RUNX2: variants seen among roughly 807,000 people sequenced by gnomAD.
The protein encoded by RUNX2 is runt-related transcription factor 2.
A neutral mutation model predicts 51.7 loss-of-function variants in RUNX2; 10 were observed. The observed-to-expected ratio is 0.19, with a 90% CI of 0.12 to 0.33. RUNX2 has a LOEUF of 0.33. Among genes scored for constraint, RUNX2 ranks in the 10% least tolerant of loss-of-function variants. RUNX2 has a pLI of 1.00. For synonymous variants in RUNX2, 276 were observed against 273.6 expected (o/e 1.01, Z -0.09); for missense variants, 562 against 691.3 (o/e 0.81, Z 2.10).
chr6:45,416,107 G>A (rs1489234639), intron 2 of RUNX2, among the ~76,000 whole-genome samples: 1 of 152,164 alleles, frequency 6.6e-6, no homozygotes, highest in Non-Finnish European at 1.5e-5. Flanking sequence ...CGGTTTCTGA[G>A]TATGAAATCC....
chr6:45,342,049 T>G (rs1334874357), intron 2 of RUNX2, among the ~76,000 whole-genome samples: 1 of 149,328 alleles, frequency 6.7e-6, no homozygotes, highest in Non-Finnish European at 1.5e-5. Context: ...GTTGAAGAGA[T>G]ATTACAAAGA....
chr6:45,420,138 C>A (rs1214317160), intron 2 of RUNX2, among the ~76,000 whole-genome samples: 1 of 152,174 alleles, frequency 6.6e-6, no homozygotes, highest in African/African-American at 2.4e-5. Context: ...CTACCCCGCA[C>A]CCCCACCTCT....
intron 6 of RUNX2, among the ~76,000 whole-genome samples, chr6:45,500,912 A>G (rs116538406): frequency 7.5e-4 from 114 of 152,350 alleles, no homozygotes; most frequent in Middle Eastern, 3.4e-3. Flanking sequence ...GCAGGTTGGT[A>G]GATGGAAGAA....
At chr6:45,330,028 T>C (rs1221502422) in intron 2 of RUNX2, among the ~76,000 whole-genome samples, 1 of 151,812 alleles carries the variant, frequency 6.6e-6, no homozygotes, top group African/African-American at 2.4e-5. Flanking sequence ...AGAGGATCAG[T>C]CTCAGTTTAG....
At chr6:45,474,353 C>G (rs1195755085) in intron 5 of RUNX2, among the ~76,000 whole-genome samples, 1 of 147,460 alleles carries the variant, frequency 6.8e-6, no homozygotes, top group Admixed American at 6.7e-5. Flanking sequence ...CAATGGCCAC[C>G]ATATTTTTAT....
At chr6:45,328,876 G>C in intron 2 of RUNX2, 92 bp downstream of exon 2, 1 of 1,298,488 alleles carries the variant, frequency 7.7e-7, no homozygotes, top group Non-Finnish European at 1.1e-6. Context: ...TTTCCAAATA[G>C]CATATTAAAG....
intron 2 of RUNX2, chr6:45,421,930 G>A (rs963067599): frequency 2.0e-5 from 3 of 152,272 alleles, no homozygotes; most frequent in Non-Finnish European, 4.4e-5. Context: ...GTGAGAGGGC[G>A]AGAAGAAAAG....
chr6:45,431,914 G>A lies in RUNX2; in HGVS notation c.475G>A (p.Gly159Ser). 1 of 1,614,132 alleles carries A rather than the reference G, an allele frequency of 6.2e-7. No homozygotes were observed. The highest frequency in any genetic ancestry group is 8.5e-7 in the Non-Finnish European group (1 of 1,179,982). ...TGGGACTGTGGTTACTGTCATGGCG[G>A]GTAACGATGAAAATTATTCTGCTGA... The part of the protein sequence containing the change: ...PDGTVVTVMA[G>S]NDENYSAELR... The change falls in exon 4 of 9, where the codon GGT (glycine) becomes AGT (serine). Residue 159 changes from glycine to serine, a missense_variant. Transcript: ENST00000647337.
intron 4 of RUNX2, among the ~76,000 whole-genome samples, chr6:45,437,607 T>C (rs1289839901): frequency 2.0e-5 from 3 of 152,206 alleles, no homozygotes; most frequent in Admixed American, 2.0e-4. Context: ...CTTGGATGTG[T>C]TCCTGATGTT....
At chr6:45,395,401 T>C (rs917969923) in intron 2 of RUNX2, among the ~76,000 whole-genome samples, 35 of 152,328 alleles carry the variant, frequency 2.3e-4, no homozygotes, top group African/African-American at 8.2e-4. Flanking sequence ...TATGCTCAAA[T>C]CTGGTTCTTA....
intron 6 of RUNX2, among the ~76,000 whole-genome samples, chr6:45,506,857 T>C (rs559008299): frequency 1.5e-4 from 23 of 152,258 alleles, no homozygotes; most frequent in Admixed American, 2.6e-4. Flanking sequence ...TACAAAAGCC[T>C]GTTACCCAGG....
intron 7 of RUNX2, among the ~76,000 whole-genome samples, chr6:45,526,881 AG>A (rs1013996636): frequency 2.0e-5 from 3 of 152,204 alleles, no homozygotes; most frequent in Admixed American, 2.0e-4. Flanking sequence ...CTGCTTTAAT[AG>A]GTTGTTATGG....
chr6:45,400,824 A>G (rs1169530886), intron 2 of RUNX2, among the ~76,000 whole-genome samples: 1 of 152,194 alleles, frequency 6.6e-6, no homozygotes, highest in Non-Finnish European at 1.5e-5. Context: ...AAACAACGTA[A>G]ATTGAATATA....
chr6:45,331,640 T>A (rs1787536077), intron 2 of RUNX2, among the ~76,000 whole-genome samples: 1 of 151,946 alleles, frequency 6.6e-6, no homozygotes, highest in Non-Finnish European at 1.5e-5. Context: ...TACAAACTGT[T>A]AAAGATTTTT....
chr6:45,502,122 C>T (rs1800814641), intron 6 of RUNX2, among the ~76,000 whole-genome samples: 1 of 152,158 alleles, frequency 6.6e-6, no homozygotes. Context: ...CCTGCTCCAT[C>T]AAGAAGCAGC....
At chr6:45,499,877 T>C (rs749816965) in intron 6 of RUNX2, among the ~76,000 whole-genome samples, 10 of 152,204 alleles carry the variant, frequency 6.6e-5, no homozygotes, top group Admixed American at 1.3e-4. Flanking sequence ...TTCCAACACA[T>C]CATCTTTCTC....
chr6:45,336,346 T>G (rs1360285613), intron 2 of RUNX2, among the ~76,000 whole-genome samples: 1 of 151,386 alleles, frequency 6.6e-6, no homozygotes, highest in East Asian at 1.9e-4. Flanking sequence ...TGCAGAATAT[T>G]TTTGTACACC....
intron 5 of RUNX2, among the ~76,000 whole-genome samples, chr6:45,486,214 G>T (rs1800278957): frequency 6.6e-6 from 1 of 152,006 alleles, no homozygotes; most frequent in African/African-American, 2.4e-5. Flanking sequence ...CGCAATCATG[G>T]CATTTTAGTG....
chr6:45,484,625 T>G (rs1800213419), intron 5 of RUNX2, among the ~76,000 whole-genome samples: 1 of 152,206 alleles, frequency 6.6e-6, no homozygotes, highest in African/African-American at 2.4e-5. Context: ...CCTAAGAATG[T>G]ACTTGAGTCT....
Sources: gnomAD v4.1 joint callset for allele counts (sites outside exome capture counted in the v4.1 genomes callset) on GRCh38, gnomAD v4.1.1 for gene constraint, MANE v1.5 for transcripts, NCBI Gene and HGNC (gene_info 2026-07-23, HGNC 2026-07-21) for gene names.